Variants in MEI1 observed in about 807,000 individuals in gnomAD.
MEI1 encodes the protein meiosis inhibitor protein 1.
MEI1 carries 103 observed loss-of-function variants against 146.2 expected under a neutral mutation model. That is an observed-to-expected ratio of 0.70 (90% confidence interval 0.60 to 0.83). The LOEUF (loss-of-function observed/expected upper bound fraction) is 0.83. Ranked by LOEUF, MEI1 falls within the 40% of genes least tolerant of loss-of-function variation. The pLI is 0.00. For synonymous variants in MEI1, 652 were observed against 628.2 expected (o/e 1.04, Z -0.57); for missense variants, 1,529 against 1,533.0 (o/e 1.00, Z 0.04).
In MEI1 at chr22:41,784,768, G is replaced by T; in HGVS notation, c.3330G>T (p.Gln1110His). ...TCCGGTCCCTGGTCATTGGGCTGCA[G>T]AACCTCCTGGTGCAGGTAAGGCCCT... is the stretch of plus-strand genomic sequence containing the variant. ...SQVRSLVIGL[Q>H]NLLVQKDPLL... is the part of the protein sequence containing the mutation. The change falls in exon 26 of 31, where the codon CAG (glutamine) becomes CAT (histidine). Residue 1110 changes from glutamine to histidine, a missense_variant. Around this residue, in one of 3 missense-constraint regions of MEI1, gnomAD observed 313 missense variants for 337.3 expected, o/e 0.93. Coordinates refer to ENST00000401548, the MANE Select transcript of MEI1 (RefSeq NM_152513.4). The T allele has an allele frequency of 1.2e-6, 2 of 1,609,250 alleles. No individual in the cohort carries two copies. Among genetic ancestry groups the T allele is most frequent in the Non-Finnish European group, 1.7e-6 (2 of 1,177,536 alleles).
intron 7 of MEI1, among the ~76,000 whole-genome samples, chr22:41,727,709 C>T (rs987537245): frequency 2.0e-5 from 3 of 152,118 alleles, no homozygotes; most frequent in African/African-American, 4.8e-5. Context: ...GTAAGGAAAG[C>T]AGTATCAGCA....
chr22:41,713,705 T>G (rs1379628679), intron 3 of MEI1, among the ~76,000 whole-genome samples: 1 of 152,182 alleles, frequency 6.6e-6, no homozygotes, highest in Non-Finnish European at 1.5e-5. Context: ...TGCACCTCCA[T>G]GTCCGGCTAA....
At position 41,732,541 on chromosome 22, in the gene MEI1, A is replaced by T; in HGVS notation, c.1269A>T (p.Ala423=). 1.2e-6 allele frequency: 2 copies of T among 1,613,858 alleles called. No individual in the cohort carries two copies. The highest frequency in any genetic ancestry group is 1.6e-4 in the Middle Eastern group (1 of 6,062). ...ATGCTGGCCGTGCCCTCCAAGAAGC[A>T]GTTAGCAGCCCTGTGCTGGAGGTGG... ...CRDAGRALQE[A]VSSPVLEVAA... The change falls in exon 11 of 31, where the codon GCA becomes GCT. Residue 423 remains alanine, a synonymous_variant. Transcript: ENST00000401548.
intron 20 of MEI1, among the ~76,000 whole-genome samples, chr22:41,775,036 A>C (rs1043393368): frequency 6.6e-6 from 1 of 152,320 alleles, no homozygotes; most frequent in East Asian, 1.9e-4. Flanking sequence ...CATAACCCTC[A>C]GTCCTAACTG....
At chr22:41,774,747 G>A (rs1022397037) in intron 20 of MEI1, among the ~76,000 whole-genome samples, 2 of 152,176 alleles carry the variant, frequency 1.3e-5, no homozygotes, top group African/African-American at 4.8e-5. Context: ...TATTGTAGAG[G>A]TATAAATAAT....
chr22:41,752,881 C>G (rs1187166382), intron 16 of MEI1, among the ~76,000 whole-genome samples: 2 of 152,064 alleles, frequency 1.3e-5, no homozygotes, highest in African/African-American at 2.4e-5. Context: ...GGGTACCTGT[C>G]ACATCAAAAC....
At chr22:41,713,230 T>C (rs1019202619) in intron 3 of MEI1, among the ~76,000 whole-genome samples, 2 of 152,156 alleles carry the variant, frequency 1.3e-5, no homozygotes, top group African/African-American at 4.8e-5. Context: ...CCCAGCACTT[T>C]GGGAGACAGG....
chr22:41,741,942 CAAAAA>C (rs10544640), intron 11 of MEI1, among the ~76,000 whole-genome samples: 6 of 116,172 alleles, frequency 5.2e-5, no homozygotes, highest in East Asian at 2.5e-4. Context: ...GACTCCATCT[CAAAAA>C]AAAAAAAAAA....
intron 7 of MEI1, among the ~76,000 whole-genome samples, chr22:41,727,395 C>T (rs738422): frequency 0.64 from 97,038 of 151,900 alleles, 34,123 homozygotes; most frequent in East Asian, 0.92. Flanking sequence ...GCTATGGTGA[C>T]GAGTAGGAGT....
intron 3 of MEI1, among the ~76,000 whole-genome samples, chr22:41,711,303 G>A (rs1193297797): frequency 6.6e-6 from 1 of 152,156 alleles, no homozygotes; most frequent in East Asian, 1.9e-4. Flanking sequence ...CTCCCGAGTA[G>A]CTGGGACTAT....
chr22:41,713,636 C>T (rs1234511677), intron 3 of MEI1, among the ~76,000 whole-genome samples: 1 of 152,204 alleles, frequency 6.6e-6, no homozygotes, highest in Non-Finnish European at 1.5e-5. Context: ...ACAACCTCCG[C>T]CTGCCGGGTT....
At chr22:41,743,897 A>G (rs977350581) in intron 12 of MEI1, among the ~76,000 whole-genome samples, 1 of 150,840 alleles carries the variant, frequency 6.6e-6, no homozygotes, top group Non-Finnish European at 1.5e-5. Context: ...TTTTCCCGAG[A>G]TGGAGTCTTA....
At chr22:41,761,261 A>C (rs1012122509) in intron 18 of MEI1, among the ~76,000 whole-genome samples, 1 of 150,192 alleles carries the variant, frequency 6.7e-6, no homozygotes, top group Non-Finnish European at 1.5e-5. Flanking sequence ...CAATGAGCTG[A>C]TATTGTGCCA....
chr22:41,753,919 T>G (rs1359929909), intron 16 of MEI1, 30 bp from the exon 17 acceptor site: 4 of 1,466,432 alleles, frequency 2.7e-6, no homozygotes, highest in Non-Finnish European at 3.8e-6. Flanking sequence ...CAATGTCATC[T>G]CTTCTATTCT....
chr22:41,763,266 A>G lies in MEI1; in HGVS notation c.2213A>G (p.Lys738Arg), dbSNP rs142583562. Residue 738 changes from lysine (K) to arginine (R), a missense_variant, in exon 19 of 31, where the codon AAA becomes AGA. By Grantham distance (26) the Lys-to-Arg change is conservative (BLOSUM62 2). Transcript: ENST00000401548. Reference protein sequence around the residue: ...QGERPPLVVFKASIYLLAICQ... With the variant: ...QGERPPLVVFRASIYLLAICQ... ...GAGCGCCCCCCACTGGTGGTCTTCA[A>G]AGCCTCCATCTATCTGCTTGCAATC... is the stretch of plus-strand genomic sequence containing the variant. 114 of 1,613,976 alleles carry G rather than the reference A, an allele frequency of 7.1e-5. 1 individual carries two copies. The African/African-American group carries it at 1.4e-3, about 20-fold the overall frequency.
At chr22:41,726,561 ACATAT>A (rs2071376862) in intron 7 of MEI1, among the ~76,000 whole-genome samples, 1 of 152,222 alleles carries the variant, frequency 6.6e-6, no homozygotes, top group African/African-American at 2.4e-5. Context: ...TTTAATGGAT[ACATAT>A]CATATTTCTT....
intron 3 of MEI1, among the ~76,000 whole-genome samples, chr22:41,706,803 C>T (rs778585932): frequency 2.6e-5 from 4 of 151,870 alleles, no homozygotes; most frequent in Admixed American, 6.6e-5. Context: ...TGGTATGTGA[C>T]GATTCTTGCA....
At chr22:41,745,130 G>A in intron 13 of MEI1, 66 bp downstream of exon 13, 1 of 1,150,462 alleles carries the variant, frequency 8.7e-7, no homozygotes, top group Non-Finnish European at 1.2e-6. Context: ...TTCAGACAAT[G>A]GGTGAAGTTC....
At chr22:41,746,137 G>C in intron 14 of MEI1, 111 bp downstream of exon 14, 3 of 1,012,008 alleles carry the variant, frequency 3.0e-6, no homozygotes, top group Non-Finnish European at 2.7e-6. Flanking sequence ...CTCTCTGGGG[G>C]CCTCAGCAGT....
Sources: gnomAD v4.1 joint callset for allele counts (sites outside exome capture counted in the v4.1 genomes callset) on GRCh38, gnomAD v4.1.1 for gene constraint, gnomAD v4.1.1 regional missense constraint, MANE v1.5 for transcripts, NCBI Gene and HGNC (gene_info 2026-07-23, HGNC 2026-07-21) for gene names.